The following B3GLCT variants were observed in gnomAD, a reference collection of about 807,000 sequenced individuals.
B3GLCT encodes beta-1,3-glucosyltransferase.
B3GLCT carries 65 observed loss-of-function variants against 63.4 expected under a neutral mutation model. That is an observed-to-expected ratio of 1.03 (90% confidence interval 0.84 to 1.26). The LOEUF (loss-of-function observed/expected upper bound fraction) is 1.26, where lower values mean the gene tolerates loss of function less well. Among genes scored for constraint, B3GLCT ranks in the 50% most tolerant of loss-of-function variants. The pLI is 0.00. For missense variants in B3GLCT, 577 were observed against 604.8 expected, an observed-to-expected ratio of 0.95 and a Z score of 0.48; for synonymous variants, 233 against 219.2, an observed-to-expected ratio of 1.06 and a Z score of -0.55.
At chr13:31,239,474 C>G (rs1870823057) in intron 4 of B3GLCT, among the ~76,000 whole-genome samples, 1 of 152,018 alleles carries the variant, frequency 6.6e-6, no homozygotes, top group Non-Finnish European at 1.5e-5. Context: ...TGTTCAGATG[C>G]CTATTATGTG....
intron 10 of B3GLCT, 116 bp from the exon 11 acceptor site, chr13:31,284,532 C>G (rs1209110199): frequency 1.4e-6 from 1 of 726,224 alleles, no homozygotes; most frequent in Admixed American, 2.0e-5. Context: ...CTTGGAACAC[C>G]TGAAGAACAA....
chr13:31,276,598 C>A, intron 9 of B3GLCT, 104 bp from the exon 10 acceptor site: 1 of 771,832 alleles, frequency 1.3e-6, no homozygotes, highest in East Asian at 2.5e-5. Flanking sequence ...GTTTGGTATC[C>A]TTGACATTGG....
chr13:31,249,986 C>T, intron 6 of B3GLCT, among the ~76,000 whole-genome samples: 1 of 152,124 alleles, frequency 6.6e-6, no homozygotes, highest in East Asian at 1.9e-4. Flanking sequence ...GTCATTCTTA[C>T]TAATGCAAAT....
Position 31,208,380 on chromosome 13 carries a change from G to A in B3GLCT, c.71-6671G>A, listed in dbSNP as rs575214936. ...CGAGCCTTGGCTTCCGTTCTGGTGC[G>A]CTGTGGAGACTCTAGTGCTGCAGCC... On this transcript the variant is annotated intron_variant, in intron 1 of 14. Transcript: ENST00000343307. Among the ~76,000 whole-genome samples the A allele has an allele frequency of 1.1e-4, 17 of 152,222 alleles. No homozygotes were observed. In the East Asian group the frequency reaches 2.5e-3, roughly 23 times the overall value.
At chr13:31,241,728 G>T (rs1000229503) in intron 4 of B3GLCT, among the ~76,000 whole-genome samples, 8 of 152,160 alleles carry the variant, frequency 5.3e-5, no homozygotes, top group Admixed American at 2.0e-4. Context: ...TATAAGTTTG[G>T]TAGACTCCCA....
At chr13:31,235,738 C>T (rs766291004) in intron 4 of B3GLCT, among the ~76,000 whole-genome samples, 1 of 152,152 alleles carries the variant, frequency 6.6e-6, no homozygotes. Context: ...TCAGCAGTGT[C>T]AAGTGGAATC....
intron 6 of B3GLCT, among the ~76,000 whole-genome samples, chr13:31,255,303 G>T (rs1428641756): frequency 1.3e-5 from 2 of 152,052 alleles, no homozygotes; most frequent in African/African-American, 4.8e-5. Flanking sequence ...AATAAGAGAG[G>T]ACACAAACAA....
intron 13 of B3GLCT, among the ~76,000 whole-genome samples, chr13:31,319,342 C>T (rs536536061): frequency 2.0e-5 from 3 of 152,148 alleles, no homozygotes; most frequent in South Asian, 4.2e-4. Context: ...CTTGAGTTCA[C>T]TACTCTATCT....
chr13:31,267,129 CAA>C (rs1872362512), intron 7 of B3GLCT, among the ~76,000 whole-genome samples: 2 of 152,098 alleles, frequency 1.3e-5, no homozygotes, highest in African/African-American at 4.8e-5. Context: ...AAAGAATTTT[CAA>C]GGATTGAATG....
chr13:31,210,835 T>G (rs1380141669), intron 1 of B3GLCT, among the ~76,000 whole-genome samples: 2 of 152,046 alleles, frequency 1.3e-5, no homozygotes, highest in Admixed American at 6.5e-5. Flanking sequence ...GCCTGGAACT[T>G]TTGGATACAA....
chr13:31,256,669 A>G lies in B3GLCT; in HGVS notation c.460-4277A>G, dbSNP rs1871756598. Among the ~76,000 whole-genome samples, 4 of 152,364 alleles carry G rather than the reference A, an allele frequency of 2.6e-5. No homozygotes were observed. In the South Asian group the frequency reaches 8.3e-4, roughly 32 times the overall value. On this transcript the variant is annotated intron_variant, in intron 6 of 14. Transcript: ENST00000343307. Reference sequence around the variant, plus strand: ...CCATCATTCTCAGCAAACTAACACAAGAACAGAAAACCAAACACCACATGT... The same window carrying G: ...CCATCATTCTCAGCAAACTAACACAGGAACAGAAAACCAAACACCACATGT...
chr13:31,246,783 G>A (rs998810767), intron 4 of B3GLCT, among the ~76,000 whole-genome samples: 1 of 152,126 alleles, frequency 6.6e-6, no homozygotes, highest in African/African-American at 2.4e-5. Context: ...TGTGGGTGGT[G>A]CAGAGTGTAG....
rs1168161583 is a variant in B3GLCT, at chr13:31,274,624, T to G, written c.776T>G (p.Leu259Arg). ...ACCACATTCCATTCTTTTCTACCGC[T>G]TTGTGTGAGTAACAGAAGAAAAACT... ...CATTFHSFLPLCRKPVKKKDI... is the reference protein window; with the variant it reads ...CATTFHSFLPRCRKPVKKKDI... The change falls in exon 9 of 15, where the codon CTT becomes CGT. Residue 259 changes from leucine (L) to arginine (R), a missense_variant. Transcript: ENST00000343307. The G allele has an allele frequency of 1.7e-5, 27 of 1,614,218 alleles. No homozygotes were observed. Among genetic ancestry groups the G allele is most frequent in the Non-Finnish European group, 2.2e-5 (26 of 1,180,022 alleles).
intron 1 of B3GLCT, among the ~76,000 whole-genome samples, chr13:31,212,279 T>G (rs1027972641): frequency 2.0e-5 from 3 of 147,638 alleles, no homozygotes; most frequent in African/African-American, 2.5e-5. Flanking sequence ...TTTTTTTTTT[T>G]TTTTTTTTTT....
At chr13:31,296,400 T>C (rs552626181) in intron 12 of B3GLCT, among the ~76,000 whole-genome samples, 2 of 152,338 alleles carry the variant, frequency 1.3e-5, no homozygotes, top group East Asian at 3.9e-4. Flanking sequence ...GGCTGCTGAC[T>C]TCTTGTATCT....
At chr13:31,232,991 G>A (rs1870459046) in intron 4 of B3GLCT, among the ~76,000 whole-genome samples, 1 of 152,156 alleles carries the variant, frequency 6.6e-6, no homozygotes, top group Non-Finnish European at 1.5e-5. Flanking sequence ...TTGGCCGTAT[G>A]TACGCATGCA....
intron 4 of B3GLCT, among the ~76,000 whole-genome samples, chr13:31,237,678 G>A (rs9572171): frequency 0.11 from 16,161 of 152,136 alleles, 2,087 homozygotes; most frequent in East Asian, 0.45. Context: ...TTTAAGAAAT[G>A]GACATGCTCA....
At chr13:31,317,738 C>T in intron 13 of B3GLCT, 53 bp downstream of exon 13, 7 of 1,610,530 alleles carry the variant, frequency 4.3e-6, no homozygotes, top group Admixed American at 1.7e-5. Flanking sequence ...CTTCCCTTTC[C>T]ACACGAGAGG....
At chr13:31,284,619 A>G (rs1566080721) in intron 10 of B3GLCT, 29 bp from the exon 11 acceptor site, 6 of 1,220,650 alleles carry the variant, frequency 4.9e-6, no homozygotes, top group Non-Finnish European at 7.3e-6. Context: ...TAACTGTGCC[A>G]GTGATTGTCA....
Sources: gnomAD v4.1 joint callset for allele counts (sites outside exome capture counted in the v4.1 genomes callset) on GRCh38, gnomAD v4.1.1 for gene constraint, MANE v1.5 for transcripts, NCBI Gene and HGNC (gene_info 2026-07-23, HGNC 2026-07-21) for gene names.